Variants in PPP1CB observed in about 807,000 individuals in gnomAD.
PPP1CB encodes serine/threonine-protein phosphatase PP1-beta catalytic subunit.
PPP1CB carries 2 observed loss-of-function variants against 43.7 expected under a neutral mutation model. The ratio of observed to expected loss-of-function variants is 0.05; its 90% confidence interval spans 0.02 to 0.14. The LOEUF is 0.14. PPP1CB is among the 10% of genes least tolerant of loss of function. The pLI, the probability that PPP1CB is intolerant of heterozygous loss-of-function variation, is 1.00. For missense variants in PPP1CB, 84 were observed against 398.0 expected (o/e 0.21, Z 6.71); for synonymous variants, 136 against 135.6 (o/e 1.00, Z -0.02).
chr2:28,780,378 A>C (rs1330863409), intron 3 of PPP1CB, among the ~76,000 whole-genome samples: 1 of 152,174 alleles, frequency 6.6e-6, no homozygotes, highest in African/African-American at 2.4e-5. Flanking sequence ...GGTGTGAGCC[A>C]CGGCGCCCAG....
chr2:28,763,830 G>A (rs939110220), intron 1 of PPP1CB, among the ~76,000 whole-genome samples: 16 of 151,936 alleles, frequency 1.1e-4, no homozygotes, highest in African/African-American at 3.4e-4. Flanking sequence ...TCAGCCTCCC[G>A]AGTAATCTGG....
intron 1 of PPP1CB, among the ~76,000 whole-genome samples, chr2:28,767,675 C>G (rs1666808556): frequency 6.6e-6 from 1 of 152,106 alleles, no homozygotes; most frequent in Admixed American, 6.5e-5. Flanking sequence ...ATGAATGTGT[C>G]CAGTGATAAA....
chr2:28,791,561 C>G (rs1229778017), intron 6 of PPP1CB, among the ~76,000 whole-genome samples: 1 of 152,116 alleles, frequency 6.6e-6, no homozygotes, highest in Non-Finnish European at 1.5e-5. Context: ...AACTCCTGAC[C>G]TCGTGATCTG....
intron 7 of PPP1CB, among the ~76,000 whole-genome samples, chr2:28,796,721 A>T (rs1667504281): frequency 6.6e-6 from 1 of 152,174 alleles, no homozygotes; most frequent in Admixed American, 6.6e-5. Flanking sequence ...TATCGTCAGT[A>T]AAGATTGTTT....
At chr2:28,764,857 G>C (rs1229630912) in intron 1 of PPP1CB, among the ~76,000 whole-genome samples, 1 of 151,888 alleles carries the variant, frequency 6.6e-6, no homozygotes, top group African/African-American at 2.4e-5. Context: ...GGAGGTGGAG[G>C]TTTCAGTGAG....
intron 1 of PPP1CB, among the ~76,000 whole-genome samples, chr2:28,754,472 A>T (rs757133256): frequency 1.3e-5 from 2 of 152,154 alleles, no homozygotes; most frequent in Non-Finnish European, 2.9e-5. Flanking sequence ...TCTTCACTCA[A>T]GGAGCTCCCA....
Position 28,781,858 on chromosome 2 carries a change from T to G in PPP1CB, c.520+16T>G. 6.3e-7 allele frequency: 1 copy of G among 1,578,532 alleles called. No individual in the cohort carries two copies. The highest frequency in any genetic ancestry group is 8.7e-7 in the Non-Finnish European group (1 of 1,148,418). On this transcript the variant is annotated intron_variant, in intron 4 of 7. Transcript: ENST00000395366. Reference sequence around the variant, plus strand: ...TGTCATGGAGGTAGACTAGTAAATTTGCCTTACAGATTTTTTTTTTCTTCT... The same window carrying G: ...TGTCATGGAGGTAGACTAGTAAATTGGCCTTACAGATTTTTTTTTTCTTCT...
At chr2:28,784,829 A>G (rs1309732821) in intron 5 of PPP1CB, among the ~76,000 whole-genome samples, 1 of 149,090 alleles carries the variant, frequency 6.7e-6, no homozygotes, top group Non-Finnish European at 1.5e-5. Flanking sequence ...CTGAGGCACG[A>G]GAATTGCTTG....
At chr2:28,793,465 T>C (rs1218062703) in intron 6 of PPP1CB, among the ~76,000 whole-genome samples, 1 of 152,174 alleles carries the variant, frequency 6.6e-6, no homozygotes, top group Admixed American at 6.5e-5. Context: ...AAAGTAATAA[T>C]TGATGTCCCT....
rs1553312779 is a variant in PPP1CB, at chr2:28,800,226, C to CTTTCTTTTTTTTTT, written c.*926_*927insCTTTTTTTTTTTTT. ...TTGGTTTTCTTTTTCTTTTTTCTTTCTTTTTTTTTTTTTTTTTTTTTTTGA... is the reference window on the plus strand; with the variant it reads ...TTGGTTTTCTTTTTCTTTTTTCTTTCTTTCTTTTTTTTTTTTTTTTTTTTTTTTTTTTTTTTTGA... On this transcript the variant is annotated 3_prime_UTR_variant, in exon 8 of 8. Transcript: ENST00000395366. The CTTTCTTTTTTTTTT allele has an allele frequency of 1.5e-5, 1 of 65,624 alleles. No individual in the cohort carries two copies. The highest frequency in any genetic ancestry group is 6.3e-5 in the African/African-American group (1 of 15,758). The allele number at this position is 65,624 out of a possible 1,614,324, so 4.1% of individuals were successfully genotyped here. A position where few individuals can be genotyped will look rare whatever the true frequency, so the allele number is the denominator to read the frequency against.
intron 6 of PPP1CB, among the ~76,000 whole-genome samples, chr2:28,792,336 A>G (rs1288702099): frequency 6.6e-6 from 1 of 151,664 alleles, no homozygotes; most frequent in Non-Finnish European, 1.5e-5. Flanking sequence ...GCAAAACTCC[A>G]TCTCGAAAAA....
Position 28,800,189 on chromosome 2 carries a change from C to G in PPP1CB, c.*886C>G, listed in dbSNP as rs971174371. 6.6e-6 allele frequency: 1 copy of G among 150,686 alleles called. No homozygotes were observed. Among genetic ancestry groups the G allele is most frequent in the Non-Finnish European group, 1.5e-5 (1 of 67,608 alleles). The allele number at this position is 150,686 out of a possible 1,614,324, so 9.3% of individuals were successfully genotyped here. A position where few individuals can be genotyped will look rare whatever the true frequency, so the allele number is the denominator to read the frequency against. ...TGGCATGCTTAACTTCCTGGTAACA[C>G]CTTCACCTGCATTGGTTTTCTTTTT... is the stretch of plus-strand genomic sequence containing the variant. On this transcript the variant is annotated 3_prime_UTR_variant, in exon 8 of 8. Coordinates refer to ENST00000395366, the MANE Select transcript of PPP1CB (RefSeq NM_002709.3).
At chr2:28,780,964 A>G (rs940533238) in intron 3 of PPP1CB, among the ~76,000 whole-genome samples, 2 of 152,190 alleles carry the variant, frequency 1.3e-5, no homozygotes, top group Admixed American at 1.3e-4. Flanking sequence ...CAATAAGTTT[A>G]TACTGTGTTA....
At chr2:28,786,593 G>A (rs1052947079) in intron 5 of PPP1CB, among the ~76,000 whole-genome samples, 6 of 151,742 alleles carry the variant, frequency 4.0e-5, no homozygotes, top group Admixed American at 1.3e-4. Flanking sequence ...GACCATCCTG[G>A]CTAACACGGT....
At chr2:28,788,570 A>G in intron 5 of PPP1CB, 88 bp from the exon 6 acceptor site, 1 of 1,404,762 alleles carries the variant, frequency 7.1e-7, no homozygotes, top group East Asian at 2.3e-5. Context: ...TAAGAGGGCA[A>G]GAAAGGAACT....
intron 4 of PPP1CB, 117 bp downstream of exon 4, chr2:28,781,959 T>C: frequency 1.4e-6 from 1 of 739,270 alleles, no homozygotes; most frequent in Non-Finnish European, 2.4e-6. Context: ...ACTCAAGTGA[T>C]TAAAACTGTT....
chr2:28,772,300 CAAAA>C (rs753465751), intron 1 of PPP1CB, among the ~76,000 whole-genome samples: 29 of 151,154 alleles, frequency 1.9e-4, no homozygotes, highest in Non-Finnish European at 3.8e-4. Context: ...GACTCCATCT[CAAAA>C]AGAAAAAAAA....
chr2:28,763,654 T>G (rs1395952748), intron 1 of PPP1CB, among the ~76,000 whole-genome samples: 1 of 152,222 alleles, frequency 6.6e-6, no homozygotes, highest in Non-Finnish European at 1.5e-5. Context: ...ACAGACAATT[T>G]GTGGTACTAT....
intron 7 of PPP1CB, 36 bp downstream of exon 7, chr2:28,794,033 T>C (rs766117664): frequency 6.6e-7 from 1 of 1,519,742 alleles, no homozygotes; most frequent in Non-Finnish European, 9.0e-7. Context: ...GAACTAGAAA[T>C]CTAATAAAAA....
Sources: allele counts gnomAD v4.1 joint callset (sites outside exome capture counted in the v4.1 genomes callset), GRCh38; gene constraint gnomAD v4.1.1; transcripts MANE v1.5; gene names NCBI Gene and HGNC (gene_info 2026-07-23, HGNC 2026-07-21).